Variants in PCDH15 observed in about 807,000 individuals in gnomAD.
PCDH15 encodes protocadherin-15.
A neutral mutation model predicts 178.5 loss-of-function variants in PCDH15; 129 were observed. That is an observed-to-expected ratio of 0.72 (90% CI 0.63 to 0.84). The LOEUF (loss-of-function observed/expected upper bound fraction) is 0.84, where lower values mean the gene tolerates loss of function less well. Among genes scored for constraint, PCDH15 ranks in the 40% least tolerant of loss-of-function variants. The probability of loss-of-function intolerance (pLI) is 0.00; values close to 1 mark genes in which losing one functional copy is unlikely to be tolerated. For missense variants in PCDH15, 2,230 were observed against 2,099.9 expected (o/e 1.06, Z -1.21); for synonymous variants, 800 against 732.0 (o/e 1.09, Z -1.50).
rs1839988043 is a variant in PCDH15, at chr10:55,472,735, AT to A, written c.-156+154889del. On this transcript the variant is annotated intron_variant, in intron 2 of 5. Coordinates refer to the PCDH15 transcript ENST00000613346. ...AGGCGCCCGCCACCACGCCCGGCTA[AT>A]TTTTTGTGTTTTTAGTAGAGACGGG... 3.9e-5 allele frequency among the ~76,000 whole-genome samples: 6 copies of A among 152,060 alleles called. 1 individual carries two copies. In the South Asian group the frequency reaches 1.2e-3, roughly 32 times the overall value.
intron 3 of PCDH15, among the ~76,000 whole-genome samples, chr10:54,463,271 T>A (rs962169616): frequency 4.6e-5 from 7 of 152,178 alleles, no homozygotes; most frequent in African/African-American, 1.7e-4. Flanking sequence ...TAGAGTAAAT[T>A]TCAAGCTATA....
At chr10:54,140,077 T>C (rs908037336) in intron 14 of PCDH15, among the ~76,000 whole-genome samples, 2 of 152,142 alleles carry the variant, frequency 1.3e-5, no homozygotes, top group African/African-American at 2.4e-5. Context: ...GATAATAAAA[T>C]ATCCTTTAAA....
rs1196821931 is a variant in PCDH15, at chr10:53,822,344, T to G, written c.4368-2114A>C. On this transcript the variant is annotated intron_variant, in intron 32 of 37. Coordinates refer to ENST00000644397, the MANE Select transcript of PCDH15 (RefSeq NM_001384140.1). ...ACGTTGAAACGGAAAGTGGAAAAAA[T>G]GTAGGAGGAGGAAGAGGAAGAGGGA... 2 of 1,584,330 alleles carry G rather than the reference T, an allele frequency of 1.3e-6. No homozygotes were observed. The highest frequency in any genetic ancestry group is 1.7e-6 in the Non-Finnish European group (2 of 1,164,730).
intron 7 of PCDH15, among the ~76,000 whole-genome samples, chr10:54,323,418 A>C (rs2133790628): frequency 6.6e-6 from 1 of 152,256 alleles, no homozygotes; most frequent in South Asian, 2.1e-4. Context: ...GCATGTCTAC[A>C]TTAATTGCCA....
intron 2 of PCDH15, among the ~76,000 whole-genome samples, chr10:55,591,798 T>C (rs544142787): frequency 6.6e-6 from 1 of 152,202 alleles, no homozygotes; most frequent in East Asian, 1.9e-4. Context: ...AACAAAAAAA[T>C]TTTAAAAAGC....
rs1322779381 is a variant in PCDH15, at chr10:54,219,590, C to T, written c.986-5542G>A. Among the ~76,000 whole-genome samples the T allele has an allele frequency of 6.2e-4, 56 of 90,416 alleles. 1 individual carries two copies. The highest frequency in any genetic ancestry group is 2.7e-3 in the African/African-American group (52 of 19,254). 59.3% of individuals were successfully genotyped at this position (90,416 alleles called of 152,430 possible). On this transcript the variant is annotated intron_variant, in intron 9 of 37. Coordinates refer to ENST00000644397, the MANE Select transcript of PCDH15 (RefSeq NM_001384140.1). ...CTTGGGTAACAGAACAAGACTCCAT[C>T]TCAAAAAAAAAAAAAAAAAAAAAAA... is the stretch of plus-strand genomic sequence containing the variant.
At chr10:55,208,753 A>G (rs768563962) in intron 1 of PCDH15, among the ~76,000 whole-genome samples, 1 of 152,008 alleles carries the variant, frequency 6.6e-6, no homozygotes, top group South Asian at 2.1e-4. Flanking sequence ...ATGATTATGA[A>G]GTAGGTGCTT....
intron 2 of PCDH15, among the ~76,000 whole-genome samples, chr10:55,420,476 T>TC (rs1454632077): frequency 6.6e-6 from 1 of 150,424 alleles, no homozygotes; most frequent in Non-Finnish European, 1.5e-5. Context: ...TTTCCCTTCA[T>TC]CTTCAGAGTA....
At chr10:54,087,723 C>CA (rs2094537068) in intron 16 of PCDH15, among the ~76,000 whole-genome samples, 1 of 152,260 alleles carries the variant, frequency 6.6e-6, no homozygotes, top group Non-Finnish European at 1.5e-5. Context: ...GCCAGTTCTC[C>CA]AAAGTGTAGT....
intron 3 of PCDH15, among the ~76,000 whole-genome samples, chr10:54,499,921 T>G (rs997134464): frequency 7.2e-5 from 11 of 152,144 alleles, no homozygotes; most frequent in African/African-American, 2.4e-4. Flanking sequence ...AACTAACATT[T>G]GACCCAGAAA....
At chr10:55,168,390 A>C (rs117321461) in intron 1 of PCDH15, among the ~76,000 whole-genome samples, 3,632 of 152,336 alleles carry the variant, frequency 0.024, 76 homozygotes, top group Non-Finnish European at 0.037. Context: ...GCAAAGACTT[A>C]AGTAAAATTT....
intron 2 of PCDH15, among the ~76,000 whole-genome samples, chr10:54,580,682 T>A (rs1590245067): frequency 1.3e-5 from 2 of 151,904 alleles, no homozygotes; most frequent in Admixed American, 6.6e-5. Context: ...ATGATGAACA[T>A]AAACACAAAA....
intron 20 of PCDH15, among the ~76,000 whole-genome samples, chr10:54,013,702 C>T (rs1267529595): frequency 6.6e-6 from 1 of 151,944 alleles, no homozygotes; most frequent in Non-Finnish European, 1.5e-5. Context: ...ATATTTCAAA[C>T]TAATGAAAAC....
intron 2 of PCDH15, among the ~76,000 whole-genome samples, chr10:55,548,066 G>C (rs533671938): frequency 7.2e-5 from 11 of 151,952 alleles, no homozygotes; most frequent in Admixed American, 2.6e-4. Flanking sequence ...ACATGAAAAA[G>C]AATGAAAAAT....
At chr10:54,136,870 C>T (rs2042951500) in intron 14 of PCDH15, among the ~76,000 whole-genome samples, 1 of 152,112 alleles carries the variant, frequency 6.6e-6, no homozygotes, top group African/African-American at 2.4e-5. Context: ...ATTGTGTTCC[C>T]CCACCCCCTT....
intron 25 of PCDH15, among the ~76,000 whole-genome samples, chr10:53,929,110 T>C (rs2084821918): frequency 6.6e-6 from 1 of 151,812 alleles, no homozygotes; most frequent in African/African-American, 2.4e-5. Context: ...AGTCTGATTA[T>C]ATATCATTGT....
At chr10:53,856,886 G>A (rs1221018837) in intron 28 of PCDH15, among the ~76,000 whole-genome samples, 1 of 152,038 alleles carries the variant, frequency 6.6e-6, no homozygotes, top group African/African-American at 2.4e-5. Context: ...ATTTATAAAT[G>A]AGAGTCAACA....
chr10:54,317,254 G>C lies in PCDH15; in HGVS notation c.876+17C>G. 6.2e-7 allele frequency: 1 copy of C among 1,608,786 alleles called. No individual in the cohort carries two copies. The highest frequency in any genetic ancestry group is 8.5e-7 in the Non-Finnish European group (1 of 1,175,322). On this transcript the variant is annotated intron_variant, in intron 8 of 37. Transcript: ENST00000644397. Reference sequence around the variant, plus strand: ...TAAAACATGCAAATAAATGGAGAAAGATAAGAGTATATTTACCGGAGTTCT... The same window carrying C: ...TAAAACATGCAAATAAATGGAGAAACATAAGAGTATATTTACCGGAGTTCT...
At chr10:54,334,136 C>T (rs776225458) in intron 6 of PCDH15, among the ~76,000 whole-genome samples, 5 of 152,252 alleles carry the variant, frequency 3.3e-5, no homozygotes, top group East Asian at 1.9e-4. Context: ...AATACCCACA[C>T]GCCCCAAACA....
Sources: allele counts gnomAD v4.1 joint callset (sites outside exome capture counted in the v4.1 genomes callset), GRCh38; gene constraint gnomAD v4.1.1; transcripts MANE v1.5; gene names NCBI Gene and HGNC (gene_info 2026-07-23, HGNC 2026-07-21).